Variants in PPP1R13B observed in about 807,000 individuals in gnomAD.
PPP1R13B encodes apoptosis-stimulating of p53 protein 1.
Under a neutral mutation model 119.8 loss-of-function variants are expected in PPP1R13B, and 44 were observed. That is an observed-to-expected ratio of 0.37 (90% CI 0.29 to 0.47). PPP1R13B has a LOEUF of 0.47. Ranked by LOEUF, PPP1R13B falls within the 20% of genes least tolerant of loss-of-function variation. The probability of loss-of-function intolerance (pLI) is 0.99; values close to 1 mark genes in which losing one functional copy is unlikely to be tolerated. For synonymous variants in PPP1R13B, 542 were observed against 561.5 expected, an observed-to-expected ratio of 0.97 and a Z score of 0.49; for missense variants, 1,227 against 1,413.5, an observed-to-expected ratio of 0.87 and a Z score of 2.12.
At chr14:103,761,445 T>C (rs2084803298) in intron 4 of PPP1R13B, among the ~76,000 whole-genome samples, 1 of 152,158 alleles carries the variant, frequency 6.6e-6, no homozygotes, top group African/African-American at 2.4e-5. Flanking sequence ...CCATTTCTTT[T>C]TCGTATAATT....
At chr14:103,801,058 C>T (rs1226131094) in intron 1 of PPP1R13B, among the ~76,000 whole-genome samples, 1 of 152,136 alleles carries the variant, frequency 6.6e-6, no homozygotes, top group Non-Finnish European at 1.5e-5. Flanking sequence ...CCACATTGAT[C>T]AGGCTGCTCT....
chr14:103,762,779 TGGC>T (rs1458352735), intron 4 of PPP1R13B: 5 of 724,162 alleles, frequency 6.9e-6, no homozygotes, highest in Non-Finnish European at 1.2e-5. Flanking sequence ...GGGCAGGTGG[TGGC>T]GGCGGCCGCC....
intron 1 of PPP1R13B, among the ~76,000 whole-genome samples, chr14:103,808,906 C>T (rs1028519694): frequency 1.3e-5 from 2 of 152,034 alleles, no homozygotes; most frequent in African/African-American, 4.8e-5. Flanking sequence ...TCTTGCTCTG[C>T]TGCCCAGGCT....
chr14:103,807,350 A>G (rs1378742532), intron 1 of PPP1R13B, among the ~76,000 whole-genome samples: 3 of 152,112 alleles, frequency 2.0e-5, no homozygotes, highest in African/African-American at 7.2e-5. Context: ...ATCTATGTAT[A>G]TATTTGTTTA....
intron 4 of PPP1R13B, among the ~76,000 whole-genome samples, chr14:103,775,965 A>G (rs1032159486): frequency 6.6e-6 from 1 of 152,056 alleles, no homozygotes; most frequent in African/African-American, 2.4e-5. Context: ...AATCTAGTAT[A>G]CCACATGGCT....
chr14:103,797,161 A>G (rs2085779687), intron 2 of PPP1R13B: 1 of 441,242 alleles, frequency 2.3e-6, no homozygotes, highest in Non-Finnish European at 3.9e-6. Flanking sequence ...CAATATAATT[A>G]CATTTATTTT....
At chr14:103,784,351 G>A (rs1050620581) in intron 3 of PPP1R13B, among the ~76,000 whole-genome samples, 1 of 152,074 alleles carries the variant, frequency 6.6e-6, no homozygotes, top group African/African-American at 2.4e-5. Context: ...GGGAGGCTGA[G>A]GTGGGCAAAT....
chr14:103,822,749 G>A (rs2086441209), intron 1 of PPP1R13B, among the ~76,000 whole-genome samples: 1 of 152,022 alleles, frequency 6.6e-6, no homozygotes, highest in South Asian at 2.1e-4. Flanking sequence ...GGAGGCAGAG[G>A]TTGCAGTGAG....
At chr14:103,781,975 T>C (rs1210713840) in intron 3 of PPP1R13B, among the ~76,000 whole-genome samples, 3 of 152,166 alleles carry the variant, frequency 2.0e-5, no homozygotes, top group Non-Finnish European at 4.4e-5. Context: ...CTGTACAGTG[T>C]ATACGTGTTC....
intron 4 of PPP1R13B, among the ~76,000 whole-genome samples, chr14:103,771,449 C>T (rs1045582855): frequency 9.5e-5 from 14 of 146,742 alleles, no homozygotes; most frequent in Admixed American, 7.5e-4. Flanking sequence ...CAAAGAGCAA[C>T]TAAGAAGATT....
At chr14:103,796,334 A>G (rs1289948327) in intron 2 of PPP1R13B, among the ~76,000 whole-genome samples, 1 of 152,132 alleles carries the variant, frequency 6.6e-6, no homozygotes, top group Non-Finnish European at 1.5e-5. Flanking sequence ...ACATTTCTCC[A>G]GAGAAGATAT....
chr14:103,782,784 A>G (rs1019790207), intron 3 of PPP1R13B, among the ~76,000 whole-genome samples: 1 of 151,562 alleles, frequency 6.6e-6, no homozygotes, highest in Admixed American at 6.6e-5. Flanking sequence ...GTGTGTGTAT[A>G]TATTTTTTCT....
intron 1 of PPP1R13B, among the ~76,000 whole-genome samples, chr14:103,824,039 C>CTTTT (rs35194586): frequency 2.4e-3 from 181 of 75,140 alleles, no homozygotes; most frequent in African/African-American, 4.7e-3. Context: ...CTACCTCATC[C>CTTTT]TTTTTTTTTT....
chr14:103,752,867 A>T, intron 7 of PPP1R13B, 133 bp downstream of exon 7: 1 of 1,010,810 alleles, frequency 9.9e-7, no homozygotes, highest in Non-Finnish European at 1.4e-6. Context: ...TTTTGTACTG[A>T]ATATATCTTG....
intron 1 of PPP1R13B, among the ~76,000 whole-genome samples, chr14:103,821,786 A>T (rs1279281662): frequency 6.6e-6 from 1 of 151,934 alleles, no homozygotes; most frequent in African/African-American, 2.4e-5. Flanking sequence ...TAAATAAATA[A>T]AGAGGAGCTG....
At chr14:103,848,326 C>T (rs2087122863), upstream of PPP1R13B, 21 of 985,356 alleles carry the variant, frequency 2.1e-5, no homozygotes, top group Admixed American at 6.1e-5. Flanking sequence ...GGGTCCGGTC[C>T]TCGTCTCCAG....
At chr14:103,797,590 G>A in intron 1 of PPP1R13B, 72 bp from the exon 2 acceptor site, 2 of 1,201,398 alleles carry the variant, frequency 1.7e-6, no homozygotes, top group African/African-American at 1.6e-5. Flanking sequence ...AATTTAAAGT[G>A]ATCCCTCTAC....
chr14:103,817,926 A>G (rs933161055), intron 1 of PPP1R13B, among the ~76,000 whole-genome samples: 2 of 152,100 alleles, frequency 1.3e-5, no homozygotes, highest in African/African-American at 4.8e-5. Context: ...AAAAAAAAAA[A>G]CCCAACTATT....
chr14:103,753,182 T>G lies in PPP1R13B; in HGVS notation c.646A>C (p.Arg216=). ...TTTTCCTGGAACATGGCACTGAACC[T>G]TTCTATTTCAGCAGCTATAATTGAC... ...MNGNLSAEIE[R]FSAMFQEKKQ... Residue 216 remains arginine, a synonymous_variant, in exon 7 of 17, where the codon AGG becomes CGG. Transcript: ENST00000202556. 6.2e-7 allele frequency: 1 copy of G among 1,611,542 alleles called. No individual in the cohort carries two copies. Among genetic ancestry groups the G allele is most frequent in the Non-Finnish European group, 8.5e-7 (1 of 1,179,628 alleles).
Sources: allele counts gnomAD v4.1 joint callset (sites outside exome capture counted in the v4.1 genomes callset), GRCh38; gene constraint gnomAD v4.1.1; transcripts MANE v1.5; gene names NCBI Gene and HGNC (gene_info 2026-07-23, HGNC 2026-07-21).